The following DAPK1 variants were observed in gnomAD, a reference collection of about 807,000 sequenced individuals.
DAPK1 encodes death associated protein kinase 1.
Under a neutral mutation model 144.9 loss-of-function variants are expected in DAPK1, and 56 were observed. The ratio of observed to expected loss-of-function variants is 0.39; its 90% CI spans 0.31 to 0.48. The LOEUF is 0.48. Ranked by LOEUF, DAPK1 falls within the 20% of genes least tolerant of loss-of-function variation. DAPK1 has a pLI of 0.95. For missense variants in DAPK1, 1,454 were observed against 1,875.4 expected (o/e 0.78, Z 4.15); for synonymous variants, 690 against 749.0 (o/e 0.92, Z 1.29).
At chr9:87,498,146 C>G (rs1824249598) in intron 1 of DAPK1, 39 bp downstream of exon 1, 1 of 397,124 alleles carries the variant, frequency 2.5e-6, no homozygotes, top group African/African-American at 2.1e-5. Flanking sequence ...CCCCCGACCC[C>G]CGGCGCCAGC....
intron 2 of DAPK1, among the ~76,000 whole-genome samples, chr9:87,575,811 A>G (rs528228244): frequency 1.3e-5 from 2 of 152,250 alleles, no homozygotes; most frequent in East Asian, 3.9e-4. Context: ...AAATAGGAAT[A>G]ATTTCCTTCA....
chr9:87,639,161 C>T (rs1370154725), intron 4 of DAPK1, among the ~76,000 whole-genome samples, 193 bp from the exon 5 acceptor site: 3 of 152,094 alleles, frequency 2.0e-5, no homozygotes, highest in Non-Finnish European at 2.9e-5. Context: ...CACTTGCATC[C>T]GAATCCTTGT....
chr9:87,499,159 C>A lies in DAPK1; in HGVS notation c.62+20C>A. ...TGGCAGGTAAAGGGGGTACCAGAAG[C>A]GTACCCTCCTGGATTGTGGAAATGC... On this transcript the variant is annotated intron_variant, in intron 2 of 25. Coordinates refer to ENST00000408954, the MANE Select transcript of DAPK1 (RefSeq NM_004938.4). The A allele has an allele frequency of 1.2e-6, 2 of 1,602,490 alleles. No individual in the cohort carries two copies. The highest frequency in any genetic ancestry group is 8.6e-7 in the Non-Finnish European group (1 of 1,169,464).
chr9:87,573,277 C>G (rs3128520), intron 2 of DAPK1, among the ~76,000 whole-genome samples: 78,472 of 152,040 alleles, frequency 0.52, 20,687 homozygotes, highest in Admixed American at 0.56. Context: ...AATGAGCTTC[C>G]TTTCCTACCT....
rs117222920 is a variant in DAPK1, at chr9:87,650,210, C to T, written c.1626+92C>T. ...TCCTCAGTTTGTTTCCCTAAGATAA[C>T]AAACTTGAATGCAGCAAACTGTAAT... is the stretch of plus-strand genomic sequence containing the variant. On this transcript the variant is annotated intron_variant, in intron 16 of 25. Transcript: ENST00000408954. The T allele has an allele frequency of 1.5e-3, 2,045 of 1,334,564 alleles. 52 individuals are homozygous for T. In the East Asian group the frequency reaches 0.044, roughly 29 times the overall value. 82.7% of individuals were successfully genotyped at this position (1,334,564 alleles called of 1,614,324 possible).
At chr9:87,583,019 G>A (rs754516354) in intron 2 of DAPK1, among the ~76,000 whole-genome samples, 3 of 151,998 alleles carry the variant, frequency 2.0e-5, no homozygotes, top group East Asian at 1.9e-4. Flanking sequence ...CTGCGATCTC[G>A]GGATTTGTCT....
intron 2 of DAPK1, among the ~76,000 whole-genome samples, chr9:87,577,712 T>C (rs1827615653): frequency 2.6e-5 from 4 of 152,052 alleles, no homozygotes; most frequent in African/African-American, 7.2e-5. Context: ...GCAGGAGAAT[T>C]GCTTGAACCC....
At chr9:87,668,540 G>A in intron 18 of DAPK1, 57 bp from the exon 19 acceptor site, 1 of 906,148 alleles carries the variant, frequency 1.1e-6, no homozygotes, top group Non-Finnish European at 1.9e-6. Flanking sequence ...TTGGCGTATG[G>A]AACACACACA....
intron 2 of DAPK1, among the ~76,000 whole-genome samples, chr9:87,502,628 C>A (rs1230286290): frequency 1.3e-5 from 2 of 152,140 alleles, no homozygotes; most frequent in Non-Finnish European, 2.9e-5. Flanking sequence ...TCCTATTGCA[C>A]CATCTGACCT....
rs1280517807 is a variant in DAPK1, at chr9:87,556,184, T to C, written c.63-48770T>C. ...TGGACATGTAGTTAATAATGACTTA[T>C]GCAGCCCAGCACCTGTGTGGGCTGG... On this transcript the variant is annotated intron_variant, in intron 2 of 25. Transcript: ENST00000408954. 2.6e-5 allele frequency among the ~76,000 whole-genome samples: 4 copies of C among 152,228 alleles called. No homozygotes were observed. In the East Asian group the frequency reaches 5.8e-4, roughly 22 times the overall value.
intron 23 of DAPK1, among the ~76,000 whole-genome samples, chr9:87,699,410 A>G (rs1322144211): frequency 6.6e-6 from 1 of 152,204 alleles, no homozygotes; most frequent in Non-Finnish European, 1.5e-5. Context: ...GTCGTGGCCA[A>G]TTCTTTTTAA....
At chr9:87,498,290 G>C (rs1050863330) in intron 1 of DAPK1, among the ~76,000 whole-genome samples, 183 bp downstream of exon 1, 1 of 152,210 alleles carries the variant, frequency 6.6e-6, no homozygotes, top group African/African-American at 2.4e-5. Context: ...CAGCCCCGCG[G>C]GCCGGGTGAG....
upstream of DAPK1, chr9:87,497,635 C>A (rs1382718279): frequency 1.8e-5 from 3 of 162,174 alleles, no homozygotes; most frequent in Admixed American, 1.9e-4. Flanking sequence ...GGCTCCCCGG[C>A]CGGCGTGGGT....
At chr9:87,670,301 G>A (rs1458679929) in intron 19 of DAPK1, among the ~76,000 whole-genome samples, 3 of 152,144 alleles carry the variant, frequency 2.0e-5, no homozygotes, top group South Asian at 4.1e-4. Flanking sequence ...AACCAGACAC[G>A]TTGGGCACAG....
chr9:87,694,557 C>A (rs1825190131), intron 21 of DAPK1, among the ~76,000 whole-genome samples: 1 of 152,168 alleles, frequency 6.6e-6, no homozygotes, highest in Non-Finnish European at 1.5e-5. Context: ...CCATATGCGG[C>A]CAGCTGGGGA....
chr9:87,602,526 A>G (rs1278262118), intron 2 of DAPK1, among the ~76,000 whole-genome samples: 2 of 152,224 alleles, frequency 1.3e-5, no homozygotes, highest in Non-Finnish European at 2.9e-5. Context: ...AGAAACTTCC[A>G]ATATAGAACA....
chr9:87,645,226 A>AG (rs756120289), intron 11 of DAPK1, among the ~76,000 whole-genome samples: 11 of 152,118 alleles, frequency 7.2e-5, no homozygotes, highest in Non-Finnish European at 1.6e-4. Context: ...AGATTTTTCC[A>AG]GTTTTTGTTC....
intron 2 of DAPK1, among the ~76,000 whole-genome samples, chr9:87,573,092 C>G (rs997101720): frequency 5.3e-5 from 8 of 152,204 alleles, no homozygotes; most frequent in African/African-American, 1.9e-4. Context: ...ACGGACAGCA[C>G]CCAGCCTTCT....
chr9:87,680,625 A>G (rs1217150848), intron 19 of DAPK1, among the ~76,000 whole-genome samples: 1 of 147,984 alleles, frequency 6.8e-6, no homozygotes, highest in East Asian at 2.0e-4. Flanking sequence ...ATTTCTAAAT[A>G]AAGTGTGGGG....
Sources: gnomAD v4.1 joint callset for allele counts (sites outside exome capture counted in the v4.1 genomes callset) on GRCh38, gnomAD v4.1.1 for gene constraint, MANE v1.5 for transcripts, NCBI Gene and HGNC (gene_info 2026-07-23, HGNC 2026-07-21) for gene names.